The following SGCD variants were observed in gnomAD, a reference collection of about 807,000 sequenced individuals.
SGCD encodes the protein sarcoglycan delta, also known as delta-sarcoglycan.
In SGCD, 18 loss-of-function variants were observed where a neutral mutation model predicts 36.6. The observed-to-expected ratio is 0.49, with a 90% CI of 0.34 to 0.73. The LOEUF (loss-of-function observed/expected upper bound fraction) is 0.73, where lower values mean the gene tolerates loss of function less well. Ranked by LOEUF, SGCD falls within the 30% of genes least tolerant of loss-of-function variation. SGCD has a pLI of 0.01. For missense variants in SGCD, 387 were observed against 346.7 expected (o/e 1.12, Z -0.92); for synonymous variants, 133 against 130.6 (o/e 1.02, Z -0.12).
rs1757526148 is a variant in SGCD at position 156,763,072 on chromosome 5, G to A, written c.*3682G>A. 1 of 152,634 alleles carries A rather than the reference G, an allele frequency of 6.6e-6. No individual in the cohort carries two copies. The highest frequency in any genetic ancestry group is 6.5e-5 in the Admixed American group (1 of 15,280). The allele number at this position is 152,634 out of a possible 1,614,324, so 9.5% of individuals were successfully genotyped here. ...AACAGGGAGGATGGGATTAGTGGAA[G>A]CTTAATGGAAAAGGAAAGTTATGAT... On this transcript the variant is annotated 3_prime_UTR_variant, in exon 9 of 9. Transcript: ENST00000337851.
chr5:156,606,934 G>A (rs968002547), intron 6 of SGCD, among the ~76,000 whole-genome samples: 1 of 152,200 alleles, frequency 6.6e-6, no homozygotes, highest in African/African-American at 2.4e-5. Flanking sequence ...ATCAGCTTAA[G>A]GAGATTTTGG....
chr5:156,056,853 G>T (rs1690545426), intron 1 of SGCD, among the ~76,000 whole-genome samples: 1 of 145,492 alleles, frequency 6.9e-6, no homozygotes, highest in African/African-American at 2.5e-5. Context: ...GGCATTTTTT[G>T]AAAGTACTTT....
chr5:156,677,299 A>G (rs934756165), intron 7 of SGCD, among the ~76,000 whole-genome samples: 2 of 152,252 alleles, frequency 1.3e-5, no homozygotes, highest in African/African-American at 4.8e-5. Flanking sequence ...GATGAAGAAA[A>G]TGTGGCACAT....
At chr5:156,349,829 A>G (rs533988692) in intron 3 of SGCD, among the ~76,000 whole-genome samples, 1 of 152,092 alleles carries the variant, frequency 6.6e-6, no homozygotes, top group African/African-American at 2.4e-5. Context: ...AACTGCAAAG[A>G]TATGGAACCA....
At chr5:155,993,148 C>T (rs547489517) in intron 1 of SGCD, among the ~76,000 whole-genome samples, 7 of 152,198 alleles carry the variant, frequency 4.6e-5, no homozygotes, top group South Asian at 2.1e-4. Flanking sequence ...AAGGCTCTTG[C>T]TCCCATTTTC....
At chr5:156,339,198 A>G (rs1043392703) in intron 2 of SGCD, among the ~76,000 whole-genome samples, 1 of 152,222 alleles carries the variant, frequency 6.6e-6, no homozygotes, top group African/African-American at 2.4e-5. Flanking sequence ...TTCCCATCTA[A>G]TGGCAAAACA....
chr5:156,296,479 A>G (rs1180109229), intron 3 of SGCD, among the ~76,000 whole-genome samples: 1 of 152,166 alleles, frequency 6.6e-6, no homozygotes, highest in Non-Finnish European at 1.5e-5. Context: ...ATAAATTTAC[A>G]CCTTAACACT....
chr5:156,551,316 T>G (rs1025783147), intron 4 of SGCD, among the ~76,000 whole-genome samples: 1 of 152,218 alleles, frequency 6.6e-6, no homozygotes, highest in African/African-American at 2.4e-5. Context: ...TTATTCCCAC[T>G]GAACATATTA....
chr5:156,539,573 A>C (rs574593667), intron 4 of SGCD, among the ~76,000 whole-genome samples: 1 of 152,204 alleles, frequency 6.6e-6, no homozygotes, highest in African/African-American at 2.4e-5. Flanking sequence ...TCCAAGTTGT[A>C]GCAAAAGACA....
chr5:156,206,157 A>G (rs1449459087), intron 3 of SGCD, among the ~76,000 whole-genome samples: 1 of 151,800 alleles, frequency 6.6e-6, no homozygotes, highest in African/African-American at 2.4e-5. Flanking sequence ...ACCCAATGGT[A>G]TATCTTGAAA....
At chr5:156,457,624 C>CA (rs771927994) in intron 3 of SGCD, among the ~76,000 whole-genome samples, 22 of 152,292 alleles carry the variant, frequency 1.4e-4, no homozygotes, top group Non-Finnish European at 2.6e-4. Flanking sequence ...GCCTTTGCTT[C>CA]AAGACCCCTG....
intron 1 of SGCD, among the ~76,000 whole-genome samples, chr5:155,959,973 T>A (rs1176778729): frequency 1.3e-5 from 2 of 152,108 alleles, no homozygotes; most frequent in East Asian, 3.9e-4. Context: ...AAGGCCCTTG[T>A]CCTAACCCCA....
At chr5:156,181,704 A>G (rs1394648414) in intron 3 of SGCD, among the ~76,000 whole-genome samples, 1 of 152,180 alleles carries the variant, frequency 6.6e-6, no homozygotes, top group Non-Finnish European at 1.5e-5. Context: ...AAGTCAGATG[A>G]TTCTTGGAGG....
At chr5:155,977,520 T>A (rs1581023305) in intron 1 of SGCD, among the ~76,000 whole-genome samples, 2 of 152,286 alleles carry the variant, frequency 1.3e-5, no homozygotes, top group South Asian at 4.1e-4. Context: ...AATAAATGAA[T>A]GATTGGGTGA....
intron 3 of SGCD, among the ~76,000 whole-genome samples, chr5:156,203,409 T>C (rs899011710): frequency 5.9e-5 from 9 of 152,170 alleles, no homozygotes; most frequent in African/African-American, 2.2e-4. Context: ...ATATTTGAGA[T>C]TGATGAATAG....
chr5:155,965,050 G>C (rs1374720598), intron 1 of SGCD, among the ~76,000 whole-genome samples: 1 of 152,010 alleles, frequency 6.6e-6, no homozygotes, highest in Non-Finnish European at 1.5e-5. Context: ...GAAGACTATT[G>C]AAGACAACTT....
intron 3 of SGCD, among the ~76,000 whole-genome samples, chr5:156,463,419 T>C (rs1754577015): frequency 6.6e-6 from 1 of 152,154 alleles, no homozygotes; most frequent in Non-Finnish European, 1.5e-5. Flanking sequence ...GTCTTGGCTT[T>C]CAAGCACTGA....
intron 7 of SGCD, among the ~76,000 whole-genome samples, chr5:156,684,490 C>CGACT (rs1192605031): frequency 6.6e-6 from 1 of 152,182 alleles, no homozygotes; most frequent in Non-Finnish European, 1.5e-5. Context: ...GGCCTTTGAA[C>CGACT]AGTCCTCTGT....
At chr5:156,472,190 G>C (rs1755001231) in intron 3 of SGCD, among the ~76,000 whole-genome samples, 1 of 152,132 alleles carries the variant, frequency 6.6e-6, no homozygotes, top group African/African-American at 2.4e-5. Flanking sequence ...TTGGAGAATT[G>C]TTTGGAATTT....
Sources: allele counts gnomAD v4.1 joint callset (sites outside exome capture counted in the v4.1 genomes callset), GRCh38; gene constraint gnomAD v4.1.1; transcripts MANE v1.5; gene names NCBI Gene and HGNC (gene_info 2026-07-23, HGNC 2026-07-21).